The following ERC1 variants were observed in gnomAD, a reference collection of about 807,000 sequenced individuals.
ERC1 encodes the protein RAB6 interacting protein 2.
A neutral mutation model predicts 132.0 loss-of-function variants in ERC1; 56 were observed. That is an observed-to-expected ratio of 0.42 (90% confidence interval 0.34 to 0.53). The LOEUF is 0.53. ERC1 is among the 20% of genes least tolerant of loss of function. ERC1 has a pLI of 0.03. For synonymous variants in ERC1, 478 were observed against 476.1 expected, an observed-to-expected ratio of 1.00 and a Z score of -0.05; for missense variants, 1,202 against 1,349.9, an observed-to-expected ratio of 0.89 and a Z score of 1.72.
intron 17 of ERC1, among the ~76,000 whole-genome samples, chr12:1,443,120 C>T (rs546224381): frequency 3.3e-4 from 50 of 152,032 alleles, no homozygotes; most frequent in African/African-American, 1.1e-3. Context: ...AGGATGGTCT[C>T]GATCTCCTGA....
At chr12:1,204,967 T>G (rs1203967175) in intron 12 of ERC1, among the ~76,000 whole-genome samples, 1 of 152,156 alleles carries the variant, frequency 6.6e-6, no homozygotes, top group Non-Finnish European at 1.5e-5. Flanking sequence ...ACCCACATCC[T>G]TTAAATTTTG....
At chr12:1,371,780 A>G (rs2087268680) in intron 15 of ERC1, 53 bp from the exon 16 acceptor site, 1 of 1,576,984 alleles carries the variant, frequency 6.3e-7, no homozygotes, top group Non-Finnish European at 8.6e-7. Context: ...AGTAACTCCA[A>G]AGAATTGTTG....
At chr12:1,100,592 G>T (rs1944550831) in intron 3 of ERC1, among the ~76,000 whole-genome samples, 1 of 152,096 alleles carries the variant, frequency 6.6e-6, no homozygotes. Flanking sequence ...GGAAGAGCAG[G>T]ATTTCCTGAT....
At chr12:1,361,081 G>A (rs1332048728) in intron 15 of ERC1, among the ~76,000 whole-genome samples, 12 of 148,694 alleles carry the variant, frequency 8.1e-5, no homozygotes, top group Non-Finnish European at 1.6e-4. Context: ...CTGGGTGATG[G>A]GAGTGAGGCT....
chr12:1,154,237 A>ATATGTG (rs1951117203), intron 8 of ERC1, among the ~76,000 whole-genome samples: 1 of 76,526 alleles, frequency 1.3e-5, no homozygotes, highest in Admixed American at 1.2e-4. Flanking sequence ...ATGTATATGT[A>ATATGTG]TATGTATATG....
chr12:1,076,713 T>A (rs1324179650), intron 2 of ERC1, among the ~76,000 whole-genome samples: 8 of 152,132 alleles, frequency 5.3e-5, no homozygotes, highest in Non-Finnish European at 8.8e-5. Context: ...GGCTGCATTA[T>A]TTTTTTAAGG....
chr12:1,312,691 A>G (rs993285057), intron 15 of ERC1, among the ~76,000 whole-genome samples: 6 of 152,136 alleles, frequency 3.9e-5, no homozygotes, highest in East Asian at 1.9e-4. Flanking sequence ...GACATTTAAT[A>G]TATTGACTTT....
chr12:1,010,537 T>C (rs535700809), intron 1 of ERC1, among the ~76,000 whole-genome samples: 1 of 143,394 alleles, frequency 7.0e-6, no homozygotes, highest in African/African-American at 2.6e-5. Flanking sequence ...TGACAGAGAG[T>C]TTCATTCTTG....
intron 2 of ERC1, among the ~76,000 whole-genome samples, chr12:1,036,888 C>T (rs1969194050): frequency 6.6e-6 from 1 of 152,178 alleles, no homozygotes; most frequent in South Asian, 2.1e-4. Flanking sequence ...GTTAAAGGCA[C>T]TATGCAGAGT....
intron 7 of ERC1, among the ~76,000 whole-genome samples, chr12:1,139,837 T>C (rs1358006829): frequency 6.6e-6 from 1 of 151,840 alleles, no homozygotes; most frequent in African/African-American, 2.4e-5. Flanking sequence ...GGTCATGCTA[T>C]GGACAAAGGG....
intron 2 of ERC1, among the ~76,000 whole-genome samples, chr12:1,081,876 AAG>A (rs1291733828): frequency 6.6e-6 from 1 of 152,182 alleles, no homozygotes; most frequent in African/African-American, 2.4e-5. Context: ...AAAATAAAAA[AAG>A]AGTCCATGTG....
At chr12:1,291,766 G>A (rs1034438674) in intron 15 of ERC1, among the ~76,000 whole-genome samples, 1 of 152,154 alleles carries the variant, frequency 6.6e-6, no homozygotes, top group Non-Finnish European at 1.5e-5. Context: ...TTGAGCGTCT[G>A]TTACAGATAA....
At chr12:1,009,490 A>G (rs1332415477) in intron 1 of ERC1, among the ~76,000 whole-genome samples, 1 of 152,122 alleles carries the variant, frequency 6.6e-6, no homozygotes, top group Admixed American at 6.6e-5. Flanking sequence ...TTGACTTTAG[A>G]GTTTGATAGA....
chr12:1,218,472 A>G (rs952300080), intron 12 of ERC1, among the ~76,000 whole-genome samples: 2 of 152,064 alleles, frequency 1.3e-5, no homozygotes, highest in African/African-American at 4.8e-5. Context: ...TTCTCAGCAA[A>G]TCTTATTTAA....
intron 13 of ERC1, 147 bp downstream of exon 13, chr12:1,237,051 G>A (rs2075466328): frequency 1.1e-6 from 1 of 932,940 alleles, no homozygotes; most frequent in Non-Finnish European, 1.6e-6. Flanking sequence ...GTTTAGCAAT[G>A]AAGGAATGGC....
Position 1,289,867 on chromosome 12 carries a change from A to T in ERC1, c.2635A>T (p.Met879Leu), listed in dbSNP as rs2079315516. ...TTTATGATAGGTGGAGGAGTTACTG[A>T]TGGCCATGGAGAAGGTAAAGCAGGA... The part of the protein sequence containing the change: ...NAEKQVEELL[M>L]AMEKVKQELE... Residue 879 changes from methionine (M) to leucine (L), a missense_variant, in exon 15 of 19, where the codon ATG (methionine) becomes TTG (leucine). Physicochemically the swap from Met to Leu is conservative, Grantham distance 15. Transcript: ENST00000360905. 2 of 1,613,450 alleles carry T rather than the reference A, an allele frequency of 1.2e-6. No homozygotes were observed. The highest frequency in any genetic ancestry group is 1.1e-5 in the South Asian group (1 of 91,056).
chr12:1,374,473 G>T (rs973875501), intron 16 of ERC1, among the ~76,000 whole-genome samples: 1 of 152,104 alleles, frequency 6.6e-6, no homozygotes, highest in Non-Finnish European at 1.5e-5. Flanking sequence ...AGGGGCCAGG[G>T]CCAGTGAAAA....
intron 1 of ERC1, among the ~76,000 whole-genome samples, chr12:996,087 T>A (rs1270189510): frequency 7.0e-6 from 1 of 143,340 alleles, no homozygotes; most frequent in African/African-American, 2.8e-5. Flanking sequence ...TACTTCTCTG[T>A]TTTTTTTGTT....
intron 13 of ERC1, among the ~76,000 whole-genome samples, chr12:1,252,171 C>G (rs2076510678): frequency 6.6e-6 from 1 of 152,048 alleles, no homozygotes; most frequent in Non-Finnish European, 1.5e-5. Flanking sequence ...GGTATTTTAA[C>G]ATGTACAACA....
Sources: allele counts gnomAD v4.1 joint callset (sites outside exome capture counted in the v4.1 genomes callset), GRCh38; gene constraint gnomAD v4.1.1; transcripts MANE v1.5; gene names NCBI Gene and HGNC (gene_info 2026-07-23, HGNC 2026-07-21).